Variants in IGF2BP3 observed in about 807,000 individuals in gnomAD.
IGF2BP3 encodes insulin like growth factor 2 mRNA binding protein 3, also known as insulin-like growth factor 2 mRNA-binding protein 3.
In IGF2BP3, 9 loss-of-function variants were observed where a neutral mutation model predicts 73.8. That is an observed-to-expected ratio of 0.12 (90% confidence interval 0.07 to 0.21). IGF2BP3 has a LOEUF of 0.21. Ranked by LOEUF, IGF2BP3 falls within the 10% of genes least tolerant of loss-of-function variation. The pLI is 1.00. For missense variants in IGF2BP3, 542 were observed against 714.0 expected, an observed-to-expected ratio of 0.76 and a Z score of 2.75; for synonymous variants, 258 against 256.7, an observed-to-expected ratio of 1.01 and a Z score of -0.05.
chr7:23,390,862 G>C (rs1178567886), intron 3 of IGF2BP3, among the ~76,000 whole-genome samples: 2 of 148,708 alleles, frequency 1.3e-5, no homozygotes, highest in Non-Finnish European at 3.0e-5. Flanking sequence ...GCAGTGGCAT[G>C]ATCTCGGCTC....
intron 3 of IGF2BP3, among the ~76,000 whole-genome samples, chr7:23,418,318 CTAAA>C (rs1261344105): frequency 6.6e-6 from 1 of 152,134 alleles, no homozygotes; most frequent in Non-Finnish European, 1.5e-5. Context: ...TTCAATTGTG[CTAAA>C]TAGTTTGTGT....
chr7:23,463,528 G>C (rs1166557433), intron 2 of IGF2BP3, among the ~76,000 whole-genome samples: 1 of 152,152 alleles, frequency 6.6e-6, no homozygotes, highest in Non-Finnish European at 1.5e-5. Flanking sequence ...TATTTATTTT[G>C]AGCACAATGG....
chr7:23,385,638 A>T (rs1786059661), intron 3 of IGF2BP3, among the ~76,000 whole-genome samples: 2 of 152,176 alleles, frequency 1.3e-5, no homozygotes, highest in African/African-American at 4.8e-5. Context: ...AAAAAAAGGA[A>T]TGGGAACCTA....
chr7:23,390,177 A>G (rs186513455), intron 3 of IGF2BP3, among the ~76,000 whole-genome samples: 2 of 152,194 alleles, frequency 1.3e-5, no homozygotes, highest in African/African-American at 4.8e-5. Flanking sequence ...AATTTCTATA[A>G]AAGTTTTGTT....
intron 3 of IGF2BP3, among the ~76,000 whole-genome samples, chr7:23,372,166 C>A (rs1269850665): frequency 6.6e-6 from 1 of 151,962 alleles, no homozygotes; most frequent in Non-Finnish European, 1.5e-5. Flanking sequence ...CTCCGCCACC[C>A]GGGGTTCAAG....
rs569878242 is a variant in IGF2BP3, at chr7:23,315,116, TTTTTATTTTTTTA to T, written c.1396-1476_1396-1464del. Among the ~76,000 whole-genome samples, 84 of 151,596 alleles carry T rather than the reference TTTTTATTTTTTTA, an allele frequency of 5.5e-4. 1 individual carries two copies. In the East Asian group the frequency reaches 0.014, roughly 25 times the overall value. On this transcript the variant is annotated intron_variant, in intron 12 of 14. Coordinates refer to ENST00000258729, the MANE Select transcript of IGF2BP3 (RefSeq NM_006547.3). Reference sequence around the variant, plus strand: ...CTCACTGTGCCCTGCCTTTTATTTTTTTTTATTTTTTTATTTTATTTTTTTTAGAGACAGAGTC... The same window carrying T: ...CTCACTGTGCCCTGCCTTTTATTTTTTTTTATTTTTTTTAGAGACAGAGTC...
chr7:23,381,070 T>C (rs905848219), intron 3 of IGF2BP3, among the ~76,000 whole-genome samples: 1 of 152,226 alleles, frequency 6.6e-6, no homozygotes, highest in African/African-American at 2.4e-5. Flanking sequence ...ACTTCACAGC[T>C]GTATCTAGAA....
intron 10 of IGF2BP3, among the ~76,000 whole-genome samples, chr7:23,321,575 C>G (rs1784152543): frequency 6.6e-6 from 1 of 152,242 alleles, no homozygotes; most frequent in African/African-American, 2.4e-5. Context: ...CCCACCACAG[C>G]TCAAGGAGGC....
chr7:23,451,352 G>C (rs1788191430), intron 2 of IGF2BP3, among the ~76,000 whole-genome samples: 1 of 151,930 alleles, frequency 6.6e-6, no homozygotes, highest in Non-Finnish European at 1.5e-5. Flanking sequence ...CAGAAGCGGA[G>C]GCTGCAGTGA....
intron 10 of IGF2BP3, among the ~76,000 whole-genome samples, chr7:23,336,201 T>C (rs77374452): frequency 0.035 from 5,370 of 152,058 alleles, 321 homozygotes; most frequent in African/African-American, 0.12. Context: ...AAAAAAAAAT[T>C]ATTTGAAACA....
intron 8 of IGF2BP3, among the ~76,000 whole-genome samples, chr7:23,344,202 G>C (rs1290943397): frequency 2.0e-5 from 3 of 152,202 alleles, no homozygotes; most frequent in Non-Finnish European, 2.9e-5. Context: ...AAGATGTATA[G>C]TTTTTGAGGA....
chr7:23,467,602 C>CA (rs1788597043), intron 2 of IGF2BP3, among the ~76,000 whole-genome samples: 1 of 151,766 alleles, frequency 6.6e-6, no homozygotes, highest in African/African-American at 2.4e-5. Context: ...AAAAACAAAA[C>CA]AAAACAAAAA....
chr7:23,377,419 G>A (rs928146290), intron 3 of IGF2BP3, among the ~76,000 whole-genome samples: 1 of 152,134 alleles, frequency 6.6e-6, no homozygotes, highest in African/African-American at 2.4e-5. Context: ...TCAAACTAAA[G>A]TGACTTATCG....
chr7:23,354,024 G>A (rs186729130), intron 5 of IGF2BP3, among the ~76,000 whole-genome samples: 31 of 152,178 alleles, frequency 2.0e-4, no homozygotes, highest in Middle Eastern at 3.4e-3. Context: ...ATGGACTTTC[G>A]TTCTTGTTGC....
chr7:23,323,085 T>C lies in IGF2BP3; in HGVS notation c.1204-3831A>G, dbSNP rs570889328. ...CACACATAACAATATTAACTTTAAA[T>C]GTAAATGGACTAAATGCTCCAATTA... On this transcript the variant is annotated intron_variant, in intron 10 of 14. Coordinates refer to ENST00000258729, the MANE Select transcript of IGF2BP3 (RefSeq NM_006547.3). Among the ~76,000 whole-genome samples the C allele has an allele frequency of 5.2e-3, 786 of 152,136 alleles. 3 individuals are homozygous for C. Among genetic ancestry groups the C allele is most frequent in the Middle Eastern group, 0.027 (8 of 294 alleles).
chr7:23,409,599 A>G (rs1786953207), intron 3 of IGF2BP3, among the ~76,000 whole-genome samples: 1 of 152,236 alleles, frequency 6.6e-6, no homozygotes, highest in Admixed American at 6.5e-5. Flanking sequence ...AATATGGTCA[A>G]TTGATTTGTA....
At chr7:23,440,634 T>A (rs12535402) in intron 2 of IGF2BP3, among the ~76,000 whole-genome samples, 21,480 of 152,158 alleles carry the variant, frequency 0.14, 1,698 homozygotes, top group African/African-American at 0.2. Flanking sequence ...ACTAGTAGAA[T>A]CAAGTGCAAA....
In IGF2BP3 at chr7:23,441,558, G is replaced by C. The variant is rs1362264007; in HGVS notation, c.237-22734C>G. 3.4e-5 allele frequency among the ~76,000 whole-genome samples: 4 copies of C among 116,928 alleles called. No individual in the cohort carries two copies. In the South Asian group the frequency reaches 9.1e-4, roughly 27 times the overall value. 76.7% of individuals were successfully genotyped at this position (116,928 alleles called of 152,430 possible). On this transcript the variant is annotated intron_variant, in intron 2 of 14. Transcript: ENST00000258729. ...ACTGCACTCCAGCCTGGGGACAAGA[G>C]TGAGACTCCATCTCTTAAAAAAAAA...
At chr7:23,447,572 C>T (rs951267547) in intron 2 of IGF2BP3, among the ~76,000 whole-genome samples, 2 of 151,472 alleles carry the variant, frequency 1.3e-5, no homozygotes, top group East Asian at 1.9e-4. Context: ...TGCAGCCAGC[C>T]GAGATCCCAC....
Sources: allele counts gnomAD v4.1 joint callset (sites outside exome capture counted in the v4.1 genomes callset), GRCh38; gene constraint gnomAD v4.1.1; transcripts MANE v1.5; gene names NCBI Gene and HGNC (gene_info 2026-07-23, HGNC 2026-07-21).